Variants in APBB1 observed in about 807,000 individuals in gnomAD.
APBB1 encodes the protein amyloid beta precursor protein binding family B member 1, also known as adaptor protein FE65a2.
APBB1 carries 22 observed loss-of-function variants against 78.4 expected under a neutral mutation model. The observed-to-expected ratio is 0.28, with a 90% CI of 0.20 to 0.40. The LOEUF is 0.40. Among genes scored for constraint, APBB1 ranks in the 10% least tolerant of loss-of-function variants. The pLI is 1.00. For synonymous variants in APBB1, 369 were observed against 372.7 expected (o/e 0.99, Z 0.12); for missense variants, 749 against 932.4 (o/e 0.80, Z 2.56).
At chr11:6,416,658 T>C (rs995223896) in intron 1 of APBB1, among the ~76,000 whole-genome samples, 1 of 152,214 alleles carries the variant, frequency 6.6e-6, no homozygotes. Context: ...TAGGTACTGA[T>C]GATTTCCTCT....
chr11:6,418,868 G>A (rs1394574343), intron 1 of APBB1, 117 bp downstream of exon 1: 12 of 357,388 alleles, frequency 3.4e-5, no homozygotes, highest in Non-Finnish European at 5.0e-5. Context: ...CCGGGGATGG[G>A]GGATGGGGCC....
intron 1 of APBB1, among the ~76,000 whole-genome samples, chr11:6,416,005 C>G (rs2634189): frequency 0.27 from 41,019 of 151,918 alleles, 5,650 homozygotes; most frequent in Admixed American, 0.32. Context: ...CCCACTCACT[C>G]CTCAACCCTT....
chr11:6,400,504 C>T (rs1440248403), intron 12 of APBB1, among the ~76,000 whole-genome samples: 1 of 150,714 alleles, frequency 6.6e-6, no homozygotes, highest in African/African-American at 2.4e-5. Context: ...ATCACGCCAC[C>T]GCACTCCAGC....
At chr11:6,417,685 G>C (rs1411321362) in intron 1 of APBB1, among the ~76,000 whole-genome samples, 5 of 152,232 alleles carry the variant, frequency 3.3e-5, no homozygotes, top group African/African-American at 1.2e-4. Context: ...TTTGGTGGCA[G>C]TGAGGAAAGA....
Position 6,401,670 on chromosome 11 carries a change from A to G in APBB1, c.1407T>C (p.Ala469=). 1.2e-6 allele frequency: 2 copies of G among 1,614,100 alleles called. No individual in the cohort carries two copies. Among genetic ancestry groups the G allele is most frequent in the Non-Finnish European group, 1.7e-6 (2 of 1,180,008 alleles). Residue 469 remains alanine, a synonymous_variant, in exon 10 of 15, where the codon GCT becomes GCC. Coordinates refer to ENST00000609360, the MANE Select transcript of APBB1 (RefSeq NM_001164.5). This position sits in a 1 kb window ranked among gnomAD's most constrained non-coding sequence, Gnocchi z 4.5. ...TGAGCATCTGGGTCAGCTTATCACG[A>G]GCTACGTAGGCAAAGTCCCTGTTGG... ...SGRERDFAYV[A]RDKLTQMLKC...
chr11:6,406,084 C>A (rs140545785), intron 2 of APBB1, among the ~76,000 whole-genome samples: 331 of 152,352 alleles, frequency 2.2e-3, no homozygotes, highest in Non-Finnish European at 3.5e-3. Flanking sequence ...GTTTCTCCCC[C>A]CTTGGCCATC....
intron 1 of APBB1, among the ~76,000 whole-genome samples, chr11:6,413,014 C>T (rs956143163): frequency 6.6e-6 from 1 of 152,120 alleles, no homozygotes; most frequent in Non-Finnish European, 1.5e-5. Flanking sequence ...GGGACCCACC[C>T]TCGGCCCCAT....
Position 6,411,108 on chromosome 11 carries a change from G to T in APBB1, c.240C>A (p.Ala80=). The T allele has an allele frequency of 6.2e-7, 1 of 1,612,462 alleles. No homozygotes were observed. Among genetic ancestry groups the T allele is most frequent in the South Asian group, 1.1e-5 (1 of 91,080 alleles). The change falls in exon 2 of 15, where the codon GCC becomes GCA. Residue 80 remains alanine, a synonymous_variant. Transcript: ENST00000609360. This position sits in a 1 kb window ranked among gnomAD's most constrained non-coding sequence, Gnocchi z 5.2. ...GATTCTGGTCACGGTGGGCCGTGGCGGCCCGCCGGAGCTGGTTCTGGCCCT... is the reference window on the plus strand; with the variant it reads ...GATTCTGGTCACGGTGGGCCGTGGCTGCCCGCCGGAGCTGGTTCTGGCCCT... The part of the protein sequence containing the change: ...LKEGQNQLRR[A]ATAHRDQNRN...
intron 12 of APBB1, among the ~76,000 whole-genome samples, chr11:6,396,785 C>A (rs1848253170): frequency 6.6e-6 from 1 of 152,148 alleles, no homozygotes; most frequent in Admixed American, 6.5e-5. Flanking sequence ...TGCCTTAGGT[C>A]ACATCGAGGA....
chr11:6,406,732 C>G (rs1040294150), intron 2 of APBB1, among the ~76,000 whole-genome samples: 3 of 152,138 alleles, frequency 2.0e-5, no homozygotes, highest in Non-Finnish European at 4.4e-5. Flanking sequence ...TGGCTATCAC[C>G]TACCTCTCCT....
chr11:6,404,800 G>A (rs1470877847), intron 2 of APBB1: 8 of 1,536,160 alleles, frequency 5.2e-6, no homozygotes, highest in East Asian at 2.4e-5. Flanking sequence ...AGAACATGGC[G>A]CTCATTCCCG....
At chr11:6,405,225 G>A (rs537024254) in intron 2 of APBB1, 51 of 1,050,630 alleles carry the variant, frequency 4.9e-5, no homozygotes, top group African/African-American at 4.3e-4. Flanking sequence ...AGAGCCTATA[G>A]CTGTCAGCAT....
Position 6,395,935 on chromosome 11 carries a change from C to A in APBB1, c.1816G>T (p.Val606Leu), listed in dbSNP as rs1848191928. Reference sequence around the variant, plus strand: ...ACGGCCAGGAAGGAGAGGAAACGCACCCGACACTCTCCCAGCACTGCCTCT... The same window carrying A: ...ACGGCCAGGAAGGAGAGGAAACGCAACCGACACTCTCCCAGCACTGCCTCT... ...QTEAVLGECRVRFLSFLAVGR... is the reference protein window; with the variant it reads ...QTEAVLGECRLRFLSFLAVGR... The change falls in exon 14 of 15, where the codon GTG becomes TTG. Residue 606 changes from valine to leucine, a missense_variant. By Grantham distance (32) the Val-to-Leu change is conservative. This residue lies in a region of APBB1 where 18 missense variants were observed against 51.4 expected (regional missense o/e 0.35). Coordinates refer to ENST00000609360, the MANE Select transcript of APBB1 (RefSeq NM_001164.5). The surrounding 1 kb of genome is among the most constrained non-coding windows in gnomAD (Gnocchi z 5.2). The A allele has an allele frequency of 8.1e-6, 13 of 1,613,862 alleles. No homozygotes were observed. Among genetic ancestry groups the A allele is most frequent in the Non-Finnish European group, 9.3e-6 (11 of 1,179,990 alleles).
At chr11:6,404,040 G>C (rs1470742656) in intron 2 of APBB1, 9 of 463,352 alleles carry the variant, frequency 1.9e-5, no homozygotes, top group Non-Finnish European at 3.4e-5. Context: ...GGGCCCTGTT[G>C]GTGGCTAATG....
intron 2 of APBB1, among the ~76,000 whole-genome samples, chr11:6,408,991 T>C (rs1194194769): frequency 6.6e-6 from 1 of 152,098 alleles, no homozygotes; most frequent in African/African-American, 2.4e-5. Flanking sequence ...GAATTATTAT[T>C]AAATTTTTGT....
At position 6,401,890 on chromosome 11, in the gene APBB1, G is replaced by A; in HGVS notation, c.1388+87C>T. 1 of 1,526,764 alleles carries A rather than the reference G, an allele frequency of 6.5e-7. No individual in the cohort carries two copies. The highest frequency in any genetic ancestry group is 1.7e-4 in the Middle Eastern group (1 of 5,850). The allele number at this position is 1,526,764 out of a possible 1,614,324, so 94.6% of individuals were successfully genotyped here. On this transcript the variant is annotated intron_variant, in intron 9 of 14. Transcript: ENST00000609360. The surrounding 1 kb of genome is among the most constrained non-coding windows in gnomAD (Gnocchi z 4.5). Reference sequence around the variant, plus strand: ...TGGAGGGTAATGGTGGAGCATAGCGGGTGGGAAGGGGCAGGGCAGAAGAGG... The same window carrying A: ...TGGAGGGTAATGGTGGAGCATAGCGAGTGGGAAGGGGCAGGGCAGAAGAGG...
intron 6 of APBB1, 86 bp from the exon 7 acceptor site, chr11:6,402,811 G>A: frequency 6.5e-7 from 1 of 1,549,540 alleles, no homozygotes; most frequent in Non-Finnish European, 8.8e-7. Context: ...CAGGAGGCAG[G>A]GTGTTCTGAA....
In APBB1 at chr11:6,403,168, G is replaced by C. The variant is rs373569914; in HGVS notation, c.1081C>G (p.Arg361Gly). The C allele has an allele frequency of 6.2e-7, 1 of 1,613,174 alleles. No homozygotes were observed. Among genetic ancestry groups the C allele is most frequent in the Admixed American group, 1.7e-5 (1 of 59,820 alleles). Residue 361 changes from arginine (R) to glycine (G), a missense_variant, in exon 6 of 15, where the codon CGG becomes GGG. Physicochemically the swap from Arg to Gly is moderately radical, Grantham distance 125 (BLOSUM62 -2). Transcript: ENST00000609360. The surrounding 1 kb of genome is among the most constrained non-coding windows in gnomAD (Gnocchi z 5.3). Reference sequence around the variant, plus strand: ...ACCTTGATCCCTGGGTTGGTATTCCGTGGGGGAAGCTTCTCCTCCTCTTGG... The same window carrying C: ...ACCTTGATCCCTGGGTTGGTATTCCCTGGGGGAAGCTTCTCCTCCTCTTGG... ...LPQEEEKLPP[R>G]NTNPGIKCFA... is the part of the protein sequence containing the mutation.
chr11:6,396,253 C>T (rs1198336165), intron 12 of APBB1, 38 bp from the exon 13 acceptor site: 9 of 1,510,136 alleles, frequency 6.0e-6, no homozygotes, highest in Non-Finnish European at 8.1e-6. Context: ...TGAGGGTAGA[C>T]AGAGGATACC....
Sources: allele counts gnomAD v4.1 joint callset (sites outside exome capture counted in the v4.1 genomes callset), GRCh38; gene constraint gnomAD v4.1.1; regional missense constraint gnomAD v4.1.1; non-coding constraint Gnocchi (gnomAD v3.1); transcripts MANE v1.5; gene names NCBI Gene and HGNC (gene_info 2026-07-23, HGNC 2026-07-21).